The following BLVRB variants were observed in gnomAD, a reference collection of about 807,000 sequenced individuals.
BLVRB encodes flavin reductase (NADPH).
BLVRB carries 25 observed loss-of-function variants against 21.1 expected under a neutral mutation model. The observed-to-expected ratio is 1.19, with a 90% confidence interval of 0.86 to 1.66. BLVRB has a LOEUF of 1.66. BLVRB is among the 40% of genes most tolerant of loss of function. The probability of loss-of-function intolerance (pLI) is 0.00; values close to 1 mark genes in which losing one functional copy is unlikely to be tolerated. For synonymous variants in BLVRB, 128 were observed against 122.2 expected, an observed-to-expected ratio of 1.05 and a Z score of -0.31; for missense variants, 274 against 282.7, an observed-to-expected ratio of 0.97 and a Z score of 0.22.
rs527721383 is a variant in BLVRB at position 40,447,985 on chromosome 19, G to A, written c.525C>T (p.Val175=). Residue 175 remains valine (V), a synonymous_variant, in exon 5 of 5, where the codon GTC becomes GTT. Coordinates refer to ENST00000263368, the MANE Select transcript of BLVRB (RefSeq NM_000713.3). ...AATGGCCCAGGTCATGTTTGGAGATGACCCTTGAGGGCCCTCGTCCATCCA... is the reference window on the plus strand; with the variant it reads ...AATGGCCCAGGTCATGTTTGGAGATAACCCTTGAGGGCCCTCGTCCATCCA... ...VTLDGRGPSR[V]ISKHDLGHFM... The A allele has an allele frequency of 5.6e-6, 9 of 1,614,112 alleles. No individual in the cohort carries two copies. The South Asian group carries it at 6.6e-5, about 12-fold the overall frequency.
Position 40,465,733 on chromosome 19 carries a change from G to C in BLVRB, c.-45C>G. ...GCAAGGCCTCAGAGTCTCGGCACGC[G>C]CGGGAACCCACTGGCTGCTGGGCGG... On this transcript the variant is annotated 5_prime_UTR_variant, in exon 1 of 5. Transcript: ENST00000263368. 4 of 1,595,000 alleles carry C rather than the reference G, an allele frequency of 2.5e-6. No homozygotes were observed. Among genetic ancestry groups the C allele is most frequent in the Non-Finnish European group, 3.4e-6 (4 of 1,167,142 alleles).
At chr19:40,451,191 G>A (rs2079738120) in intron 4 of BLVRB, among the ~76,000 whole-genome samples, 173 bp downstream of exon 4, 1 of 152,182 alleles carries the variant, frequency 6.6e-6, no homozygotes, top group East Asian at 1.9e-4. Flanking sequence ...AGATTCCAAG[G>A]ATTTTAGGAG....
rs150829460 is a variant in BLVRB at position 40,462,253 on chromosome 19, G to C, written c.79+3357C>G. ...CCCTCACACATGGGGGAGCAGCAGGGGCTTGCATGGGCCAATATGGGCATT... is the reference window on the plus strand; with the variant it reads ...CCCTCACACATGGGGGAGCAGCAGGCGCTTGCATGGGCCAATATGGGCATT... On this transcript the variant is annotated intron_variant, in intron 1 of 4. Coordinates refer to ENST00000263368, the MANE Select transcript of BLVRB (RefSeq NM_000713.3). 7.5e-3 allele frequency among the ~76,000 whole-genome samples: 1,143 copies of C among 152,020 alleles called. 12 individuals are homozygous for C. Among genetic ancestry groups the C allele is most frequent in the African/African-American group, 0.026 (1,081 of 41,474 alleles).
At position 40,458,165 on chromosome 19, in the gene BLVRB, G is replaced by T. The variant is rs1437684826; in HGVS notation, c.324C>A (p.Ala108=). The change falls in exon 3 of 5, where the codon GCC becomes GCA. Residue 108 remains alanine, a synonymous_variant. Coordinates refer to ENST00000263368, the MANE Select transcript of BLVRB (RefSeq NM_000713.3). Reference sequence around the variant, plus strand: ...GATCCCACCACCCACCCGAGGTGCAGGCCACGACCTTGTCCACACCATGAG... The same window carrying T: ...GATCCCACCACCCACCCGAGGTGCATGCCACGACCTTGTCCACACCATGAG... ...MKAHGVDKVV[A]CTSAFLLWDP... 6.2e-7 allele frequency: 1 copy of T among 1,613,884 alleles called. No homozygotes were observed. The highest frequency in any genetic ancestry group is 2.2e-5 in the East Asian group (1 of 44,890).
intron 1 of BLVRB, among the ~76,000 whole-genome samples, chr19:40,460,854 C>T (rs2079783965): frequency 6.6e-6 from 1 of 152,096 alleles, no homozygotes; most frequent in Non-Finnish European, 1.5e-5. Flanking sequence ...TGCCTGTAAT[C>T]CCAGCTACTT....
intron 3 of BLVRB, among the ~76,000 whole-genome samples, chr19:40,457,302 T>C (rs577124591): frequency 6.6e-6 from 1 of 152,330 alleles, no homozygotes; most frequent in African/African-American, 2.4e-5. Context: ...TCCAGGCCTC[T>C]TTGCTTGCTT....
intron 3 of BLVRB, 187 bp downstream of exon 3, chr19:40,457,968 G>T (rs2079768875): frequency 3.4e-6 from 2 of 585,550 alleles, no homozygotes; most frequent in Non-Finnish European, 3.1e-6. Flanking sequence ...CCTTGTGTGA[G>T]CAGGGCCCAG....
At chr19:40,460,182 A>G (rs1261586633) in intron 1 of BLVRB, among the ~76,000 whole-genome samples, 1 of 150,884 alleles carries the variant, frequency 6.6e-6, no homozygotes. Context: ...CACAACTAAC[A>G]TATTTCTTCC....
intron 1 of BLVRB, among the ~76,000 whole-genome samples, chr19:40,463,535 CTCCCTCCCTCCCTCCCTCCT>C (rs1568741651): frequency 1.4e-5 from 2 of 143,884 alleles, no homozygotes; most frequent in Admixed American, 1.4e-4. Flanking sequence ...TTCTCCCTCC[CTCCCTCCCTCCCTCCCTCCT>C]TCCCTCCCTT....
chr19:40,465,661 C>A lies in BLVRB; in HGVS notation c.28G>T (p.Gly10Cys). The change falls in exon 1 of 5, where the codon GGC becomes TGC. Residue 10 changes from glycine to cysteine, a missense_variant. By Grantham distance (159) the Gly-to-Cys change is radical (BLOSUM62 -3). Transcript: ENST00000263368. MAVKKIAIF[G>C]ATGQTGLTTL... The stretch of plus-strand genomic sequence containing the variant: ...GTGAGCCCGGTCTGGCCAGTGGCGC[C>A]GAAGATCGCGATCTTCTTGACGGCC... 3 of 1,612,792 alleles carry A rather than the reference C, an allele frequency of 1.9e-6. No individual in the cohort carries two copies. Among genetic ancestry groups the A allele is most frequent in the Non-Finnish European group, 2.5e-6 (3 of 1,179,794 alleles).
chr19:40,462,810 T>C (rs1439267358), intron 1 of BLVRB, among the ~76,000 whole-genome samples: 1 of 142,576 alleles, frequency 7.0e-6, no homozygotes, highest in East Asian at 2.1e-4. Context: ...GGAGAATGGC[T>C]GAACTCGGGA....
intron 1 of BLVRB, among the ~76,000 whole-genome samples, chr19:40,464,059 A>G (rs2079800015): frequency 6.6e-6 from 1 of 151,046 alleles, no homozygotes; most frequent in Non-Finnish European, 1.5e-5. Flanking sequence ...GAGCCACCGC[A>G]CCCAGCCTCT....
At chr19:40,463,902 C>T (rs1047395855) in intron 1 of BLVRB, among the ~76,000 whole-genome samples, 2 of 151,522 alleles carry the variant, frequency 1.3e-5, no homozygotes, top group Non-Finnish European at 2.9e-5. Flanking sequence ...CAAGTAACTG[C>T]GATTACAGGC....
chr19:40,448,066 G>C lies in BLVRB; in HGVS notation c.464-20C>G, dbSNP rs2079722133. 3.7e-6 allele frequency: 6 copies of C among 1,603,588 alleles called. No homozygotes were observed. The highest frequency in any genetic ancestry group is 5.1e-6 in the Non-Finnish European group (6 of 1,171,698). On this transcript the variant is annotated intron_variant, in intron 4 of 4. Coordinates refer to ENST00000263368, the MANE Select transcript of BLVRB (RefSeq NM_000713.3). ...GGTCTCCTATGAAGTAAAGACAAGAGGGGCTGGATAAAGCAGACACCTTTC... is the reference window on the plus strand; with the variant it reads ...GGTCTCCTATGAAGTAAAGACAAGACGGGCTGGATAAAGCAGACACCTTTC...
At chr19:40,452,890 C>CAAAAA (rs897817837) in intron 3 of BLVRB, among the ~76,000 whole-genome samples, 6 of 93,392 alleles carry the variant, frequency 6.4e-5, no homozygotes, top group African/African-American at 1.4e-4. Context: ...CAAAACAAAA[C>CAAAAA]AAAACAAAAA....
rs918210155 is a variant in BLVRB, at chr19:40,464,639, G to T, written c.79+971C>A. On this transcript the variant is annotated intron_variant, in intron 1 of 4. Transcript: ENST00000263368. ...CGAATAAATGCTTATCAGCAAACTG[G>T]TTTTTACTGAGAGGCCCACAGCTCC... Among the ~76,000 whole-genome samples, 15 of 152,256 alleles carry T rather than the reference G, an allele frequency of 9.9e-5. No individual in the cohort carries two copies. The East Asian group carries it at 2.7e-3, about 27-fold the overall frequency.
At chr19:40,451,534 CTTTTT>C (rs66462314) in intron 3 of BLVRB, 42 bp from the exon 4 acceptor site, 402 of 1,334,644 alleles carry the variant, frequency 3.0e-4, no homozygotes, top group Middle Eastern at 1.4e-3. Flanking sequence ...GCTCTCTTGT[CTTTTT>C]TTTTTTTTTT....
At chr19:40,465,268 C>T (rs1026285467) in intron 1 of BLVRB, among the ~76,000 whole-genome samples, 7 of 152,240 alleles carry the variant, frequency 4.6e-5, no homozygotes, top group Admixed American at 4.6e-4. Context: ...ACAGAGCAAG[C>T]TTGGCTTAGT....
intron 1 of BLVRB, among the ~76,000 whole-genome samples, chr19:40,461,831 A>G (rs1050231226): frequency 4.6e-5 from 7 of 152,050 alleles, no homozygotes; most frequent in Non-Finnish European, 7.4e-5. Context: ...CCTCAAATGC[A>G]TGGTGCTGCT....
Sources: gnomAD v4.1 joint callset for allele counts (sites outside exome capture counted in the v4.1 genomes callset) on GRCh38, gnomAD v4.1.1 for gene constraint, MANE v1.5 for transcripts, NCBI Gene and HGNC (gene_info 2026-07-23, HGNC 2026-07-21) for gene names.